VPS13A: variants seen among roughly 807,000 people sequenced by gnomAD.
The protein encoded by VPS13A is intermembrane lipid transfer protein VPS13A.
In VPS13A, 264 loss-of-function variants were observed where a neutral mutation model predicts 390.9. The ratio of observed to expected loss-of-function variants is 0.68; its 90% CI spans 0.61 to 0.75. The LOEUF (loss-of-function observed/expected upper bound fraction) is 0.75. Ranked by LOEUF, VPS13A falls within the 30% of genes least tolerant of loss-of-function variation. The probability of loss-of-function intolerance (pLI) is 0.00; values close to 1 mark genes in which losing one functional copy is unlikely to be tolerated. For missense variants in VPS13A, 3,409 were observed against 3,733.9 expected, an observed-to-expected ratio of 0.91 and a Z score of 2.27; for synonymous variants, 1,231 against 1,227.1, an observed-to-expected ratio of 1.00 and a Z score of -0.07.
intron 67 of VPS13A, 138 bp downstream of exon 67, chr9:77,371,287 T>G: frequency 7.9e-7 from 1 of 1,264,862 alleles, no homozygotes; most frequent in South Asian, 1.4e-5. Flanking sequence ...TACCACAGAC[T>G]GGGTAATTTA....
At chr9:77,414,661 G>A (rs1237546602) in intron 71 of VPS13A, among the ~76,000 whole-genome samples, 1 of 151,762 alleles carries the variant, frequency 6.6e-6, no homozygotes, top group Non-Finnish European at 1.5e-5. Flanking sequence ...GATGGGTGCA[G>A]CACACCAACA....
chr9:77,398,635 T>G (rs936406408), intron 68 of VPS13A, among the ~76,000 whole-genome samples: 2 of 152,200 alleles, frequency 1.3e-5, no homozygotes, highest in African/African-American at 4.8e-5. Context: ...GTAGACTTTT[T>G]ACAGCGTGAC....
At chr9:77,343,346 C>T (rs1231027084) in intron 50 of VPS13A, among the ~76,000 whole-genome samples, 1 of 152,182 alleles carries the variant, frequency 6.6e-6, no homozygotes, top group African/African-American at 2.4e-5. Context: ...CTTTAACAAG[C>T]TAAGACACTT....
intron 22 of VPS13A, among the ~76,000 whole-genome samples, chr9:77,253,509 G>A (rs1454078815): frequency 6.6e-6 from 1 of 152,088 alleles, no homozygotes; most frequent in African/African-American, 2.4e-5. Context: ...ATTTCACCGT[G>A]TTAGCCAGGG....
At chr9:77,327,274 TC>T (rs1830062960) in intron 45 of VPS13A, among the ~76,000 whole-genome samples, 1 of 152,190 alleles carries the variant, frequency 6.6e-6, no homozygotes, top group African/African-American at 2.4e-5. Flanking sequence ...ATATCCCTTC[TC>T]TTTCACTTTT....
At chr9:77,362,646 C>A (rs1182564207) in intron 59 of VPS13A, among the ~76,000 whole-genome samples, 1 of 152,126 alleles carries the variant, frequency 6.6e-6, no homozygotes, top group African/African-American at 2.4e-5. Flanking sequence ...TCAGGTTCTT[C>A]AAAGAAGTCA....
chr9:77,352,404 G>A (rs1292663992), intron 53 of VPS13A, among the ~76,000 whole-genome samples: 1 of 151,904 alleles, frequency 6.6e-6, no homozygotes, highest in Non-Finnish European at 1.5e-5. Context: ...CAGTGCTGCT[G>A]TTGAGGAGTC....
chr9:77,198,221 G>A (rs1825116287), intron 1 of VPS13A, among the ~76,000 whole-genome samples: 1 of 151,994 alleles, frequency 6.6e-6, no homozygotes. Context: ...CTCAGGGGAT[G>A]AGGAGGCATT....
chr9:77,225,932 GA>G lies in VPS13A; in HGVS notation c.1174del (p.Thr392ProfsTer7). The stretch of plus-strand genomic sequence containing the variant: ...TTTTGTTTATATTTTTCAGGAGTTG[GA>G]AAAAACCTTGGATGTCTTTAATATA... The part of the protein sequence containing the change: ...GELLVSLEEL[E>X]KTLDVFNITI... On this transcript the variant is annotated frameshift_variant, in exon 14 of 72. Transcript: ENST00000360280. LOFTEE classifies it high-confidence loss of function. 2 of 1,611,078 alleles carry G rather than the reference GA, an allele frequency of 1.2e-6. No homozygotes were observed. Among genetic ancestry groups the G allele is most frequent in the Non-Finnish European group, 1.7e-6 (2 of 1,178,470 alleles).
intron 17 of VPS13A, 84 bp from the exon 18 acceptor site, chr9:77,237,918 A>G: frequency 5.6e-6 from 6 of 1,068,010 alleles, no homozygotes; most frequent in East Asian, 2.5e-5. Flanking sequence ...AGTTGTCTTC[A>G]TTAATTTTTT....
intron 3 of VPS13A, 83 bp from the exon 4 acceptor site, chr9:77,205,230 C>A: frequency 1.4e-6 from 1 of 708,774 alleles, no homozygotes; most frequent in Non-Finnish European, 2.3e-6. Context: ...CTCTTCAATG[C>A]CTGACAGAAA....
rs768861939 is a variant in VPS13A, at chr9:77,225,567, A to C, written c.1162-359A>C. On this transcript the variant is annotated intron_variant, in intron 13 of 71. Coordinates refer to ENST00000360280, the MANE Select transcript of VPS13A (RefSeq NM_033305.3). The stretch of plus-strand genomic sequence containing the variant: ...GGCCTTGTAATTATATTTTTAGTTG[A>C]AAATGTAACTAATATGTTTACCCTT... Among the ~76,000 whole-genome samples, 104 of 152,068 alleles carry C rather than the reference A, an allele frequency of 6.8e-4. 2 individuals carry two copies. The highest frequency in any genetic ancestry group is 3.5e-4 in the Non-Finnish European group (24 of 68,026).
chr9:77,306,404 G>GTGTGTT (rs1828747386), intron 34 of VPS13A, among the ~76,000 whole-genome samples: 3 of 140,826 alleles, frequency 2.1e-5, no homozygotes, highest in Non-Finnish European at 4.6e-5. Context: ...GAGAGAGAGT[G>GTGTGTT]TGTGTGTGTT....
At position 77,366,731 on chromosome 9, in the gene VPS13A, AT is replaced by A; in HGVS notation, c.8333del (p.Leu2778Ter). On this transcript the variant is annotated frameshift_variant, in exon 61 of 72. Coordinates refer to ENST00000360280, the MANE Select transcript of VPS13A (RefSeq NM_033305.3). LOFTEE classifies it high-confidence loss of function. ...TTTATCTCTTTATCTTTTTAGTTAC[AT>A]TTAAGTGTTTCACTGAGTTCCGGCA... ...EYFHISPIKL[H>X]LSVSLSSGRE... The A allele has an allele frequency of 6.2e-7, 1 of 1,611,230 alleles. No homozygotes were observed. Among genetic ancestry groups the A allele is most frequent in the Non-Finnish European group, 8.5e-7 (1 of 1,178,106 alleles).
intron 68 of VPS13A, chr9:77,395,676 CTAA>C (rs1834093221): frequency 6.6e-6 from 1 of 151,978 alleles, no homozygotes; most frequent in East Asian, 1.9e-4. Context: ...AGCATGGTGC[CTAA>C]TAATAACTCA....
intron 68 of VPS13A, among the ~76,000 whole-genome samples, chr9:77,392,312 T>G (rs947611003): frequency 6.6e-6 from 1 of 152,210 alleles, no homozygotes; most frequent in Non-Finnish European, 1.5e-5. Flanking sequence ...ATATATATAG[T>G]TCTTCTGTGC....
rs1338067952 is a variant in VPS13A, at chr9:77,405,783, C to T, written c.9276-81C>T. 24 of 1,561,836 alleles carry T rather than the reference C, an allele frequency of 1.5e-5. No homozygotes were observed. The South Asian group carries it at 1.6e-4, about 10-fold the overall frequency. The stretch of plus-strand genomic sequence containing the variant: ...TTGATGAATATTGCATTTGCACTTG[C>T]GATTCATTCGTATCCTGTTGTTATT... On this transcript the variant is annotated intron_variant, in intron 69 of 71. Transcript: ENST00000360280.
intron 26 of VPS13A, among the ~76,000 whole-genome samples, chr9:77,279,500 C>T (rs749252976): frequency 7.2e-5 from 11 of 151,958 alleles, no homozygotes; most frequent in Admixed American, 1.3e-4. Flanking sequence ...TATATGGGCA[C>T]AGGATGGTGG....
intron 45 of VPS13A, among the ~76,000 whole-genome samples, chr9:77,327,339 T>C (rs938663621): frequency 8.5e-5 from 13 of 152,236 alleles, no homozygotes; most frequent in African/African-American, 2.9e-4. Flanking sequence ...TTACTGCTGA[T>C]TATTTTGCCA....
Sources: allele counts gnomAD v4.1 joint callset (sites outside exome capture counted in the v4.1 genomes callset), GRCh38; gene constraint gnomAD v4.1.1; transcripts MANE v1.5; gene names NCBI Gene and HGNC (gene_info 2026-07-23, HGNC 2026-07-21).